CACNA1I: variants seen among roughly 807,000 people sequenced by gnomAD.
CACNA1I encodes voltage-dependent T-type calcium channel subunit alpha-1I.
CACNA1I carries 74 observed loss-of-function variants against 201.6 expected under a neutral mutation model. The observed-to-expected ratio is 0.37, with a 90% CI of 0.30 to 0.45. The LOEUF (loss-of-function observed/expected upper bound fraction) is 0.45, where lower values mean the gene tolerates loss of function less well. Ranked by LOEUF, CACNA1I falls within the 20% of genes least tolerant of loss-of-function variation. The probability of loss-of-function intolerance (pLI) is 1.00; values close to 1 mark genes in which losing one functional copy is unlikely to be tolerated. For synonymous variants in CACNA1I, 1,431 were observed against 1,345.2 expected (o/e 1.06, Z -1.40); for missense variants, 2,346 against 3,138.1 (o/e 0.75, Z 6.03).
At chr22:39,638,879 A>ATGAGTGT in intron 5 of CACNA1I, among the ~76,000 whole-genome samples, 1 of 152,172 alleles carries the variant, frequency 6.6e-6, no homozygotes, top group South Asian at 2.1e-4. Flanking sequence ...TGCACAACCT[A>ATGAGTGT]GATCTCTTGA....
chr22:39,577,653 C>T (rs997214543), intron 1 of CACNA1I, among the ~76,000 whole-genome samples: 5 of 152,262 alleles, frequency 3.3e-5, no homozygotes, highest in African/African-American at 1.2e-4. Flanking sequence ...ACTGCTCTGG[C>T]TGTGCAGCCA....
At chr22:39,669,960 G>C in intron 24 of CACNA1I, 78 bp from the exon 25 acceptor site, 1 of 1,535,604 alleles carries the variant, frequency 6.5e-7, no homozygotes, top group Non-Finnish European at 9.0e-7. Flanking sequence ...CTCCATGGAG[G>C]CTCAGCCAGG....
At chr22:39,618,316 CGTGT>C (rs574726506) in intron 3 of CACNA1I, among the ~76,000 whole-genome samples, 3 of 131,024 alleles carry the variant, frequency 2.3e-5, no homozygotes, top group African/African-American at 9.0e-5. Context: ...TGATTATGTG[CGTGT>C]GTGTGATTGT....
At chr22:39,631,873 G>A (rs1165474956) in intron 4 of CACNA1I, among the ~76,000 whole-genome samples, 1 of 152,066 alleles carries the variant, frequency 6.6e-6, no homozygotes, top group Non-Finnish European at 1.5e-5. Context: ...TAATCCTGTG[G>A]CCCCTCTTCC....
rs1935683880 is a variant in CACNA1I, at chr22:39,680,917, C to CCT, written c.5542-10_5542-9dup. ...AAACCTGGGTGACCCGAGGCCACCC[C>CCT]CTCTTCCTGCAGGTGCAGCTGGCTG... On this transcript the variant is annotated splice_polypyrimidine_tract_variant and intron_variant, in intron 33 of 36. Coordinates refer to ENST00000402142, the MANE Select transcript of CACNA1I (RefSeq NM_021096.4). The CCT allele has an allele frequency of 6.2e-7, 1 of 1,605,440 alleles. No homozygotes were observed. The highest frequency in any genetic ancestry group is 1.3e-5 in the African/African-American group (1 of 74,894).
chr22:39,652,056 T>A (rs1427072918), intron 10 of CACNA1I, among the ~76,000 whole-genome samples: 1 of 145,858 alleles, frequency 6.9e-6, no homozygotes, highest in Admixed American at 6.9e-5. Context: ...TTTTTTGAGA[T>A]GGAGTCTCAC....
chr22:39,675,756 AG>A (rs1030796330), intron 29 of CACNA1I, among the ~76,000 whole-genome samples: 16 of 152,112 alleles, frequency 1.1e-4, no homozygotes, highest in African/African-American at 3.9e-4. Flanking sequence ...CTGGGCTTTG[AG>A]GGGTGGGGAG....
intron 26 of CACNA1I, 58 bp from the exon 27 acceptor site, chr22:39,672,141 G>A: frequency 9.5e-7 from 1 of 1,051,784 alleles, no homozygotes; most frequent in South Asian, 1.3e-5. Flanking sequence ...TCTGAGTGGA[G>A]GAAGGTTGTG....
intron 3 of CACNA1I, among the ~76,000 whole-genome samples, chr22:39,601,036 C>A (rs1045580703): frequency 6.6e-6 from 1 of 152,154 alleles, no homozygotes; most frequent in Non-Finnish European, 1.5e-5. Context: ...CGCCAGAGAC[C>A]GAGCACAGAC....
In CACNA1I at chr22:39,664,109, G is replaced by A. The variant is rs750713261; in HGVS notation, c.3616G>A (p.Val1206Met). ...CTTTCAGGAACGCATCTTTCTCACCGTGTCCAACTACATCTTCACGGCCAT... is the reference window on the plus strand; with the variant it reads ...CTTTCAGGAACGCATCTTTCTCACCATGTCCAACTACATCTTCACGGCCAT... Reference protein sequence around the residue: ...AGSTERIFLTVSNYIFTAIFV... With the variant: ...AGSTERIFLTMSNYIFTAIFV... The change falls in exon 20 of 37, where the codon GTG becomes ATG. Residue 1206 changes from valine to methionine, a missense_variant. By Grantham distance (21) the Val-to-Met change is conservative. This residue lies in a region of CACNA1I where 158 missense variants were observed against 231.6 expected (regional missense o/e 0.68). Coordinates refer to ENST00000402142, the MANE Select transcript of CACNA1I (RefSeq NM_021096.4). 31 of 1,613,590 alleles carry A rather than the reference G, an allele frequency of 1.9e-5. No individual in the cohort carries two copies. The highest frequency in any genetic ancestry group is 2.6e-5 in the Non-Finnish European group (31 of 1,179,726).
Position 39,670,786 on chromosome 22 carries a change from C to T in CACNA1I, c.4388-17C>T. The T allele has an allele frequency of 6.2e-7, 1 of 1,613,748 alleles. No homozygotes were observed. Among genetic ancestry groups the T allele is most frequent in the East Asian group, 2.2e-5 (1 of 44,878 alleles). ...AACCCTCTGTGGTCTTTGCCACTCC[C>T]CCTGCACCACCTGCAGAGGCCCAGC... On this transcript the variant is annotated splice_polypyrimidine_tract_variant and intron_variant, in intron 25 of 36. Coordinates refer to ENST00000402142, the MANE Select transcript of CACNA1I (RefSeq NM_021096.4).
In CACNA1I at chr22:39,659,130, G is replaced by A. The variant is rs754224824; in HGVS notation, c.2330+14G>A. On this transcript the variant is annotated intron_variant, in intron 12 of 36. Transcript: ENST00000402142. This position sits in a 1 kb window ranked among gnomAD's most constrained non-coding sequence, Gnocchi z 4.3. ...CTTCATCTTCAGGTGAGCCTGCCCT[G>A]CTGGGGGCCATACCTCAGCACCTGC... The A allele has an allele frequency of 1.2e-6, 2 of 1,611,102 alleles. No homozygotes were observed. The highest frequency in any genetic ancestry group is 1.7e-5 in the Admixed American group (1 of 59,778).
chr22:39,686,494 A>G lies in CACNA1I; in HGVS notation c.*89A>G. The G allele has an allele frequency of 9.9e-7, 1 of 1,011,726 alleles. No homozygotes were observed. The highest frequency in any genetic ancestry group is 3.8e-4 in the Middle Eastern group (1 of 2,666). 62.7% of individuals were successfully genotyped at this position (1,011,726 alleles called of 1,614,324 possible). On this transcript the variant is annotated 3_prime_UTR_variant, in exon 37 of 37. Coordinates refer to ENST00000402142, the MANE Select transcript of CACNA1I (RefSeq NM_021096.4). ...AGGAGCAGACAGCAATACTTCGTCC[A>G]CACCTGGGATCGCGCAGGGCCCGCA... is the stretch of plus-strand genomic sequence containing the variant.
chr22:39,672,811 G>T (rs927496961), intron 27 of CACNA1I, 138 bp from the exon 28 acceptor site: 4 of 862,166 alleles, frequency 4.6e-6, no homozygotes, highest in African/African-American at 3.4e-5. Flanking sequence ...GGAGGGGCTA[G>T]TAAGGGAGGG....
rs1935913561 is a variant in CACNA1I at position 39,687,210 on chromosome 22, GC to G, written c.*806del. 1 of 152,184 alleles carries G rather than the reference GC, an allele frequency of 6.6e-6. No individual in the cohort carries two copies. The highest frequency in any genetic ancestry group is 6.5e-5 in the Admixed American group (1 of 15,272). The allele number at this position is 152,184 out of a possible 1,614,324, so 9.4% of individuals were successfully genotyped here. On this transcript the variant is annotated 3_prime_UTR_variant, in exon 37 of 37. Coordinates refer to ENST00000402142, the MANE Select transcript of CACNA1I (RefSeq NM_021096.4). ...GCTCTGGCCCCAGGTGAGGTCCCCA[GC>G]TCCTGAGCACTTCTGAGGGGGTGGG... is the stretch of plus-strand genomic sequence containing the variant.
chr22:39,598,313 C>T (rs1461733357), intron 2 of CACNA1I, 51 bp downstream of exon 2: 17 of 1,000,414 alleles, frequency 1.7e-5, no homozygotes, highest in South Asian at 7.2e-5. Flanking sequence ...CTCCAGGACC[C>T]GGCCTATGCC....
At chr22:39,636,726 G>A (rs993939230) in intron 5 of CACNA1I, among the ~76,000 whole-genome samples, 1 of 152,210 alleles carries the variant, frequency 6.6e-6, no homozygotes, top group Non-Finnish European at 1.5e-5. Flanking sequence ...AATTTGAGAA[G>A]ATCCTAGCTA....
intron 7 of CACNA1I, 85 bp downstream of exon 7, chr22:39,642,974 C>T: frequency 1.1e-6 from 1 of 880,518 alleles, no homozygotes; most frequent in South Asian, 1.5e-5. Context: ...TTGGGAGTCC[C>T]TAGGGAGCCC....
intron 3 of CACNA1I, among the ~76,000 whole-genome samples, chr22:39,615,267 C>T (rs1427522186): frequency 1.3e-5 from 2 of 152,134 alleles, no homozygotes; most frequent in African/African-American, 4.8e-5. Context: ...GGGAGATGGA[C>T]GGAGGCCACA....
Sources: gnomAD v4.1 joint callset for allele counts (sites outside exome capture counted in the v4.1 genomes callset) on GRCh38, gnomAD v4.1.1 for gene constraint, gnomAD v4.1.1 regional missense constraint, Gnocchi (gnomAD v3.1) non-coding constraint, MANE v1.5 for transcripts, NCBI Gene and HGNC (gene_info 2026-07-23, HGNC 2026-07-21) for gene names.